The following GABRA5 variants were observed in gnomAD, a reference collection of about 807,000 sequenced individuals.
The protein encoded by GABRA5 is gamma-aminobutyric acid type A receptor subunit alpha5.
Under a neutral mutation model 47.3 loss-of-function variants are expected in GABRA5, and 18 were observed. The ratio of observed to expected loss-of-function variants is 0.38; its 90% CI spans 0.26 to 0.56. The LOEUF (loss-of-function observed/expected upper bound fraction) is 0.56. Ranked by LOEUF, GABRA5 falls within the 20% of genes least tolerant of loss-of-function variation. The pLI is 0.71. For synonymous variants in GABRA5, 237 were observed against 229.3 expected, an observed-to-expected ratio of 1.03 and a Z score of -0.30; for missense variants, 365 against 599.3, an observed-to-expected ratio of 0.61 and a Z score of 4.08.
Position 26,883,534 on chromosome 15 carries a change from C to T in GABRA5, c.474C>T (p.Asp158=), listed in dbSNP as rs371590711. The T allele has an allele frequency of 1.2e-4, 192 of 1,582,786 alleles. No homozygotes were observed. The highest frequency in any genetic ancestry group is 1.7e-4 in the Middle Eastern group (1 of 5,950). ...TPNKLLRLED[D]GTLLYTMRLT... ...ACAAGCTGCTGCGGCTGGAGGACGA[C>T]GGCACCCTGCTCTACACCATGCGGT... is the stretch of plus-strand genomic sequence containing the variant. Residue 158 remains aspartate (D), a synonymous_variant, in exon 6 of 11, where the codon GAC becomes GAT. Transcript: ENST00000335625. The surrounding 1 kb of genome is among the most constrained non-coding windows in gnomAD (Gnocchi z 4.8).
chr15:26,932,930 A>G (rs1894143465), intron 7 of GABRA5, among the ~76,000 whole-genome samples: 1 of 152,058 alleles, frequency 6.6e-6, no homozygotes, highest in Admixed American at 6.5e-5. Flanking sequence ...GGAATAACAC[A>G]CACTGAGGCC....
rs1295834091 is a variant in GABRA5 at position 26,926,478 on chromosome 15, T to C, written c.581-10707T>C. ...ATATATACAGAGATTAAGATATACA[T>C]TTATTTGAGGAGGCCAGTATAATGG... On this transcript the variant is annotated intron_variant, in intron 7 of 10. Coordinates refer to ENST00000335625, the MANE Select transcript of GABRA5 (RefSeq NM_000810.4). 2.0e-5 allele frequency among the ~76,000 whole-genome samples: 3 copies of C among 152,134 alleles called. No individual in the cohort carries two copies. In the East Asian group the frequency reaches 5.8e-4, roughly 29 times the overall value.
chr15:26,880,750 A>G, intron 3 of GABRA5, 96 bp from the exon 4 acceptor site: 1 of 1,302,802 alleles, frequency 7.7e-7, no homozygotes. Context: ...GTCTCAGGAG[A>G]CAAGCCTCCA....
intron 3 of GABRA5, among the ~76,000 whole-genome samples, chr15:26,871,573 C>T (rs145640240): frequency 3.3e-4 from 50 of 152,268 alleles, no homozygotes; most frequent in South Asian, 1.5e-3. Flanking sequence ...ATACAGAAGT[C>T]GATAATGAAA....
At chr15:26,937,163 T>G in intron 7 of GABRA5, 22 bp from the exon 8 acceptor site, 1 of 1,613,602 alleles carries the variant, frequency 6.2e-7, no homozygotes, top group Non-Finnish European at 8.5e-7. Context: ...TTTATGTCAC[T>G]TTCTGCCCCC....
At chr15:26,941,817 G>A (rs1289341951) in intron 9 of GABRA5, among the ~76,000 whole-genome samples, 2 of 152,170 alleles carry the variant, frequency 1.3e-5, no homozygotes, top group African/African-American at 4.8e-5. Flanking sequence ...CTGTGTGCAT[G>A]TCTGTCTCCA....
Position 26,943,339 on chromosome 15 carries a change from G to T in GABRA5, c.1002G>T (p.Ala334=). The T allele has an allele frequency of 6.3e-7, 1 of 1,596,224 alleles. No homozygotes were observed. The highest frequency in any genetic ancestry group is 8.5e-7 in the Non-Finnish European group (1 of 1,171,546). The change falls in exon 10 of 11, where the codon GCG becomes GCT. Residue 334 remains alanine, a synonymous_variant. Coordinates refer to ENST00000335625, the MANE Select transcript of GABRA5 (RefSeq NM_000810.4). ...IAVCYAFVFS[A]LIEFATVNYF... is the part of the protein sequence containing the mutation. ...TGTGCTATGCCTTCGTCTTCTCGGC[G>T]CTGATAGAGTTTGCCACGGTCAATT...
intron 10 of GABRA5, among the ~76,000 whole-genome samples, chr15:26,946,072 C>T (rs556468322): frequency 2.2e-4 from 33 of 152,300 alleles, no homozygotes; most frequent in East Asian, 9.7e-4. Flanking sequence ...ACGGTTTCCC[C>T]AGGGGGTCCT....
In GABRA5 at chr15:26,944,700, G is replaced by A. The variant is rs189273519; in HGVS notation, c.1089+1274G>A. 3.9e-5 allele frequency among the ~76,000 whole-genome samples: 6 copies of A among 152,322 alleles called. No individual in the cohort carries two copies. The East Asian group carries it at 5.8e-4, about 15-fold the overall frequency. On this transcript the variant is annotated intron_variant, in intron 10 of 10. Coordinates refer to ENST00000335625, the MANE Select transcript of GABRA5 (RefSeq NM_000810.4). Reference sequence around the variant, plus strand: ...GAGAAGGTGCTGTGTGGGGAGGAACGAGAATGGAGTCTGGGGAGACGGGGC... The same window carrying A: ...GAGAAGGTGCTGTGTGGGGAGGAACAAGAATGGAGTCTGGGGAGACGGGGC...
Position 26,869,199 on chromosome 15 carries a change from A to C in GABRA5, c.-50A>C, listed in dbSNP as rs376751978. ...GCTTCAAGAACAAGCTGGAGAAGGGAAGAGTTATTCCTCCATATTCACCTG... is the reference window on the plus strand; with the variant it reads ...GCTTCAAGAACAAGCTGGAGAAGGGCAGAGTTATTCCTCCATATTCACCTG... On this transcript the variant is annotated 5_prime_UTR_variant, in exon 3 of 11. Coordinates refer to ENST00000335625, the MANE Select transcript of GABRA5 (RefSeq NM_000810.4). The C allele has an allele frequency of 9.1e-7, 1 of 1,095,546 alleles. No individual in the cohort carries two copies. The highest frequency in any genetic ancestry group is 1.5e-5 in the African/African-American group (1 of 64,874). 67.9% of individuals were successfully genotyped at this position (1,095,546 alleles called of 1,614,324 possible).
intron 6 of GABRA5, among the ~76,000 whole-genome samples, chr15:26,902,073 G>A (rs1263456024): frequency 6.6e-6 from 1 of 151,902 alleles, no homozygotes; most frequent in East Asian, 1.9e-4. Flanking sequence ...TGAATTGGGT[G>A]GTGTATGTCC....
At chr15:26,874,539 G>T (rs185969606) in intron 3 of GABRA5, among the ~76,000 whole-genome samples, 12 of 152,198 alleles carry the variant, frequency 7.9e-5, no homozygotes, top group Non-Finnish European at 1.5e-4. Flanking sequence ...GGGAAGGAAT[G>T]GGGGGAGGAC....
rs1892404389 is a variant in GABRA5 at position 26,869,291 on chromosome 15, C to T, written c.43C>T (p.Leu15Phe). 2 of 1,609,828 alleles carry T rather than the reference C, an allele frequency of 1.2e-6. No homozygotes were observed. The highest frequency in any genetic ancestry group is 1.7e-6 in the Non-Finnish European group (2 of 1,176,164). The change falls in exon 3 of 11, where the codon CTC becomes TTC. Residue 15 changes from leucine (L) to phenylalanine (F), a missense_variant. Physicochemically the swap from Leu to Phe is conservative, Grantham distance 22 (BLOSUM62 0). This residue lies in a region of GABRA5 where 216 missense variants were observed against 335.3 expected (regional missense o/e 0.64). Transcript: ENST00000335625. ...CTCTGGTTTTATCATGATCAAAAAC[C>T]TCCTTCTCTTTTGTATTTCCATGAA... Reference protein sequence around the residue: ...MFSGFIMIKNLLLFCISMNLS... With the variant: ...MFSGFIMIKNFLLFCISMNLS...
chr15:26,924,406 ATGGCCTCAT>A (rs1258271459), intron 7 of GABRA5, among the ~76,000 whole-genome samples: 8 of 152,236 alleles, frequency 5.3e-5, no homozygotes, highest in African/African-American at 1.7e-4. Flanking sequence ...CACCATATGC[ATGGCCTCAT>A]TACTGCCAAG....
chr15:26,910,652 AATGGGAC>A (rs1313293733), intron 6 of GABRA5, among the ~76,000 whole-genome samples: 103 of 152,250 alleles, frequency 6.8e-4, no homozygotes, highest in Non-Finnish European at 1.1e-3. Context: ...GTTCTTCAAA[AATGGGAC>A]ATTATGCTTC....
chr15:26,944,522 G>A (rs574862852), intron 10 of GABRA5, among the ~76,000 whole-genome samples: 2 of 152,290 alleles, frequency 1.3e-5, no homozygotes, highest in African/African-American at 2.4e-5. Context: ...GAAGGGCCTC[G>A]GGCATGGGTA....
At chr15:26,870,060 T>C (rs1173812142) in intron 3 of GABRA5, among the ~76,000 whole-genome samples, 1 of 152,226 alleles carries the variant, frequency 6.6e-6, no homozygotes, top group Non-Finnish European at 1.5e-5. Flanking sequence ...TTCTGGTTAA[T>C]CAAAAGGATT....
rs565732315 is a variant in GABRA5, at chr15:26,924,006, AC to A, written c.580+9122del. On this transcript the variant is annotated intron_variant, in intron 7 of 10. Transcript: ENST00000335625. ...TTGTACTTGGTCGTTGCATCATTTT[AC>A]AATGGCTGCTTTAAAAACATCTTTG... Among the ~76,000 whole-genome samples, 659 of 152,208 alleles carry A rather than the reference AC, an allele frequency of 4.3e-3. 5 individuals carry two copies. Among genetic ancestry groups the A allele is most frequent in the African/African-American group, 0.015 (616 of 41,554 alleles).
intron 6 of GABRA5, among the ~76,000 whole-genome samples, chr15:26,887,357 T>G (rs1171648772): frequency 6.6e-6 from 1 of 152,018 alleles, no homozygotes; most frequent in Non-Finnish European, 1.5e-5. Flanking sequence ...TGAGAAAGAG[T>G]TTTGCTCTGT....
Sources: gnomAD v4.1 joint callset for allele counts (sites outside exome capture counted in the v4.1 genomes callset) on GRCh38, gnomAD v4.1.1 for gene constraint, gnomAD v4.1.1 regional missense constraint, Gnocchi (gnomAD v3.1) non-coding constraint, MANE v1.5 for transcripts, NCBI Gene and HGNC (gene_info 2026-07-23, HGNC 2026-07-21) for gene names.